The following NUDT3 variants were observed in gnomAD, a reference collection of about 807,000 sequenced individuals.
NUDT3 encodes nudix hydrolase 3.
A neutral mutation model predicts 23.6 loss-of-function variants in NUDT3; 9 were observed. That is an observed-to-expected ratio of 0.38 (90% CI 0.23 to 0.66). NUDT3 has a LOEUF of 0.66. NUDT3 is among the 30% of genes least tolerant of loss of function. The pLI is 0.52. For synonymous variants in NUDT3, 86 were observed against 82.6 expected (o/e 1.04, Z -0.22); for missense variants, 172 against 218.5 (o/e 0.79, Z 1.34).
intron 1 of NUDT3, among the ~76,000 whole-genome samples, chr6:34,378,224 G>A (rs142017666): frequency 3.3e-5 from 5 of 151,752 alleles, no homozygotes; most frequent in East Asian, 2.0e-4. Flanking sequence ...AAGTGCTTGC[G>A]CCCAGGAGGA....
intron 2 of NUDT3, among the ~76,000 whole-genome samples, chr6:34,325,956 GC>G (rs1764021191): frequency 6.6e-6 from 1 of 152,072 alleles, no homozygotes; most frequent in African/African-American, 2.4e-5. Flanking sequence ...AAGTACTTAC[GC>G]TTATTTTCTC....
Position 34,288,373 on chromosome 6 carries a change from T to TA in NUDT3, c.*379dup, listed in dbSNP as rs562295837. On this transcript the variant is annotated 3_prime_UTR_variant, in exon 5 of 5. Coordinates refer to ENST00000607016, the MANE Select transcript of NUDT3 (RefSeq NM_006703.4). ...TTCATCTCATACTGGTATCTTTTAA[T>TA]AAAAAAAAAAAATTAAAAATCAAAG... 1,119 of 157,698 alleles carry TA rather than the reference T, an allele frequency of 7.1e-3. No homozygotes were observed. The highest frequency in any genetic ancestry group is 0.015 in the Middle Eastern group (5 of 334). The allele number at this position is 157,698 out of a possible 1,614,324, so 9.8% of individuals were successfully genotyped here.
At chr6:34,337,849 C>T (rs1482694762) in intron 2 of NUDT3, among the ~76,000 whole-genome samples, 1 of 152,226 alleles carries the variant, frequency 6.6e-6, no homozygotes, top group African/African-American at 2.4e-5. Context: ...ATTCCAGAAC[C>T]ATCACTCCAT....
rs764226345 is a variant in NUDT3 at position 34,288,751 on chromosome 6, A to T, written c.*2T>A. On this transcript the variant is annotated 3_prime_UTR_variant, in exon 5 of 5. Transcript: ENST00000607016. Reference sequence around the variant, plus strand: ...TCCATTTCTCTTACAGGAAGTCTTCAGTCATCTGATGCCTGACATCGAGCT... The same window carrying T: ...TCCATTTCTCTTACAGGAAGTCTTCTGTCATCTGATGCCTGACATCGAGCT... 3 of 1,606,272 alleles carry T rather than the reference A, an allele frequency of 1.9e-6. No individual in the cohort carries two copies.
At position 34,282,478 on chromosome 6, in the gene NUDT3, AG is replaced by A. The variant is rs1439464759; in HGVS notation, c.*6274del. ...GCTTTTTTTCCTCAGAATTCCACAA[AG>A]GCTTAAGAGTGATCTAAATGCCTGG... is the stretch of plus-strand genomic sequence containing the variant. On this transcript the variant is annotated 3_prime_UTR_variant, in exon 5 of 5. Transcript: ENST00000607016. 4 of 152,216 alleles carry A rather than the reference AG, an allele frequency of 2.6e-5. No individual in the cohort carries two copies. The highest frequency in any genetic ancestry group is 1.3e-4 in the Admixed American group (2 of 15,272). 9.4% of individuals were successfully genotyped at this position (152,216 alleles called of 1,614,324 possible). A position where few individuals can be genotyped will look rare whatever the true frequency, so the allele number is the denominator to read the frequency against.
At chr6:34,297,972 C>A (rs1450853501) in intron 2 of NUDT3, among the ~76,000 whole-genome samples, 1 of 151,386 alleles carries the variant, frequency 6.6e-6, no homozygotes, top group African/African-American at 2.4e-5. Context: ...AGCTACTATC[C>A]AATATTTTTT....
At chr6:34,297,021 T>C (rs1044774021) in intron 2 of NUDT3, among the ~76,000 whole-genome samples, 1 of 149,974 alleles carries the variant, frequency 6.7e-6, no homozygotes, top group African/African-American at 2.5e-5. Context: ...AACATCCATC[T>C]CCCGGGTTCA....
chr6:34,372,836 G>A lies in NUDT3; in HGVS notation c.99+19428C>T, dbSNP rs1354563523. Among the ~76,000 whole-genome samples the A allele has an allele frequency of 3.3e-5, 5 of 151,822 alleles. No individual in the cohort carries two copies. The East Asian group carries it at 9.8e-4, about 30-fold the overall frequency. On this transcript the variant is annotated intron_variant, in intron 1 of 4. Transcript: ENST00000607016. ...ATATATATATATACTTTGTGAGATT[G>A]GAGAAAAATAAACCAATAATTTATC...
At position 34,283,883 on chromosome 6, in the gene NUDT3, A is replaced by G. The variant is rs1319184454; in HGVS notation, c.*4870T>C. 6.6e-6 allele frequency: 1 copy of G among 152,190 alleles called. No individual in the cohort carries two copies. Among genetic ancestry groups the G allele is most frequent in the African/African-American group, 2.4e-5 (1 of 41,452 alleles). 9.4% of individuals were successfully genotyped at this position (152,190 alleles called of 1,614,324 possible). On this transcript the variant is annotated 3_prime_UTR_variant, in exon 5 of 5. Transcript: ENST00000607016. ...ATGTTTCATTTTTAGGTGATATCCCAAGTGACACAGAAACACAGCTCCTCC... is the reference window on the plus strand; with the variant it reads ...ATGTTTCATTTTTAGGTGATATCCCGAGTGACACAGAAACACAGCTCCTCC...
At position 34,288,665 on chromosome 6, in the gene NUDT3, G is replaced by A. The variant is rs1188426477; in HGVS notation, c.*88C>T. 44 of 1,497,990 alleles carry A rather than the reference G, an allele frequency of 2.9e-5. No individual in the cohort carries two copies. The highest frequency in any genetic ancestry group is 1.4e-5 in the South Asian group (1 of 74,046). 92.8% of individuals were successfully genotyped at this position (1,497,990 alleles called of 1,614,324 possible). A position where few individuals can be genotyped will look rare whatever the true frequency, so the allele number is the denominator to read the frequency against. On this transcript the variant is annotated 3_prime_UTR_variant, in exon 5 of 5. Transcript: ENST00000607016. The stretch of plus-strand genomic sequence containing the variant: ...ATGCCTTATTTGAAAGAGGAGGCCT[G>A]TGAGAAGTGGAAAGAGCCAGGGTGA...
chr6:34,372,980 A>C (rs1764856518), intron 1 of NUDT3, among the ~76,000 whole-genome samples: 1 of 151,084 alleles, frequency 6.6e-6, no homozygotes, highest in Admixed American at 6.6e-5. Context: ...AGAGAGAGAG[A>C]GCGAGAGCAC....
intron 2 of NUDT3, among the ~76,000 whole-genome samples, chr6:34,339,871 T>C (rs1764262938): frequency 6.6e-6 from 1 of 152,238 alleles, no homozygotes. Context: ...TTTTATCTTC[T>C]CTTATTGGCC....
chr6:34,387,961 C>T (rs1765135521), intron 1 of NUDT3, among the ~76,000 whole-genome samples: 1 of 152,000 alleles, frequency 6.6e-6, no homozygotes, highest in African/African-American at 2.4e-5. Context: ...ACTGATGCAC[C>T]CAGAGCAACT....
At chr6:34,297,760 A>ATATTTTTTTTT (rs1763535832) in intron 2 of NUDT3, among the ~76,000 whole-genome samples, 1 of 53,654 alleles carries the variant, frequency 1.9e-5, no homozygotes, top group South Asian at 6.7e-4. Flanking sequence ...TATATATATA[A>ATATTTTTTTTT]TTTTTTTTTT....
At chr6:34,316,436 G>A (rs185282805) in intron 2 of NUDT3, among the ~76,000 whole-genome samples, 18 of 152,294 alleles carry the variant, frequency 1.2e-4, no homozygotes, top group Non-Finnish European at 2.1e-4. Context: ...GCTTCATATA[G>A]AAGAGATATA....
chr6:34,353,440 ATTT>A (rs11355875), intron 1 of NUDT3, among the ~76,000 whole-genome samples: 10 of 143,056 alleles, frequency 7.0e-5, no homozygotes, highest in Admixed American at 7.0e-5. Context: ...ACTCCCAAGT[ATTT>A]TTTTTTTTTT....
chr6:34,338,561 G>A (rs561310319), intron 2 of NUDT3, among the ~76,000 whole-genome samples: 2 of 152,294 alleles, frequency 1.3e-5, no homozygotes, highest in Non-Finnish European at 2.9e-5. Context: ...AGATGGATGG[G>A]CACTCAATAT....
chr6:34,387,696 AG>A lies in NUDT3; in HGVS notation c.99+4567del, dbSNP rs1231267465. ...TTTAAAAAAAAAAAAAAAAAAAAAA[AG>A]TGATTTTAGTATGACAGGAAAGAAA... is the stretch of plus-strand genomic sequence containing the variant. On this transcript the variant is annotated intron_variant, in intron 1 of 4. Coordinates refer to ENST00000607016, the MANE Select transcript of NUDT3 (RefSeq NM_006703.4). 4.7e-5 allele frequency among the ~76,000 whole-genome samples: 7 copies of A among 149,816 alleles called. No individual in the cohort carries two copies. In the East Asian group the frequency reaches 1.2e-3, roughly 25 times the overall value.
At chr6:34,352,213 G>A (rs1057247566) in intron 1 of NUDT3, among the ~76,000 whole-genome samples, 2 of 151,984 alleles carry the variant, frequency 1.3e-5, no homozygotes, top group African/African-American at 4.8e-5. Context: ...CGCCCATGCT[G>A]GACTGCACTG....
Sources: gnomAD v4.1 joint callset for allele counts (sites outside exome capture counted in the v4.1 genomes callset) on GRCh38, gnomAD v4.1.1 for gene constraint, MANE v1.5 for transcripts, NCBI Gene and HGNC (gene_info 2026-07-23, HGNC 2026-07-21) for gene names.